Variants in DACH1 observed in about 807,000 individuals in gnomAD.
The protein encoded by DACH1 is dachshund homolog 1.
A neutral mutation model predicts 54.2 loss-of-function variants in DACH1; 12 were observed. That is an observed-to-expected ratio of 0.22 (90% CI 0.14 to 0.36). The LOEUF (loss-of-function observed/expected upper bound fraction) is 0.36, where lower values mean the gene tolerates loss of function less well. DACH1 is among the 10% of genes least tolerant of loss of function. DACH1 has a pLI of 1.00. For synonymous variants in DACH1, 386 were observed against 366.2 expected (o/e 1.05, Z -0.62); for missense variants, 805 against 929.8 (o/e 0.87, Z 1.75).
Position 71,647,231 on chromosome 13 carries a change from T to C in DACH1, c.965-16514A>G, listed in dbSNP as rs190680075. On this transcript the variant is annotated intron_variant, in intron 2 of 10. Transcript: ENST00000613252. ...TATCATTACCTTGTAAAGCATGAGC[T>C]GTGAAGCTGGAAGGGAACTAGACAG... Among the ~76,000 whole-genome samples, 10 of 152,308 alleles carry C rather than the reference T, an allele frequency of 6.6e-5. No individual in the cohort carries two copies. In the East Asian group the frequency reaches 1.7e-3, roughly 26 times the overall value.
chr13:71,644,457 G>A (rs1042183973), intron 2 of DACH1, among the ~76,000 whole-genome samples: 1 of 152,120 alleles, frequency 6.6e-6, no homozygotes, highest in African/African-American at 2.4e-5. Flanking sequence ...AGTTGTCACA[G>A]CCTCAATTCC....
intron 6 of DACH1, among the ~76,000 whole-genome samples, chr13:71,544,225 G>A (rs534326489): frequency 1.4e-4 from 21 of 152,146 alleles, no homozygotes; most frequent in Admixed American, 7.2e-4. Context: ...ATCTTCCTGC[G>A]TATTCCTTAT....
intron 1 of DACH1, among the ~76,000 whole-genome samples, chr13:71,708,942 T>C (rs1468668250): frequency 1.4e-5 from 2 of 142,010 alleles, no homozygotes; most frequent in African/African-American, 2.5e-5. Context: ...AAGCTCAGCC[T>C]CCCGGGTTCA....
intron 1 of DACH1, among the ~76,000 whole-genome samples, chr13:71,731,594 G>A (rs1172804076): frequency 1.3e-5 from 2 of 152,026 alleles, no homozygotes; most frequent in Non-Finnish European, 2.9e-5. Flanking sequence ...GTTTCTTGAT[G>A]TTCTTTAGAA....
intron 8 of DACH1, among the ~76,000 whole-genome samples, chr13:71,477,358 T>C (rs1016470705): frequency 2.0e-5 from 3 of 151,646 alleles, no homozygotes; most frequent in African/African-American, 7.3e-5. Context: ...CCTGACCTCA[T>C]GATCCACCCG....
chr13:71,775,008 G>T (rs888501219), intron 1 of DACH1, among the ~76,000 whole-genome samples: 1 of 151,798 alleles, frequency 6.6e-6, no homozygotes, highest in African/African-American at 2.4e-5. Flanking sequence ...CCCCTAGCAG[G>T]GCATAGTGGT....
intron 10 of DACH1, among the ~76,000 whole-genome samples, chr13:71,474,649 A>T (rs1203347337): frequency 6.6e-6 from 1 of 152,212 alleles, no homozygotes; most frequent in Non-Finnish European, 1.5e-5. Context: ...TGGCATACAG[A>T]ACATTTGGAA....
chr13:71,629,517 T>A (rs1436149351), intron 3 of DACH1, among the ~76,000 whole-genome samples: 1 of 152,204 alleles, frequency 6.6e-6, no homozygotes, highest in African/African-American at 2.4e-5. Context: ...TATTCATGTC[T>A]GTGTATGTTT....
intron 1 of DACH1, among the ~76,000 whole-genome samples, chr13:71,769,722 G>A (rs1263996565): frequency 6.6e-6 from 1 of 151,562 alleles, no homozygotes; most frequent in African/African-American, 2.4e-5. Flanking sequence ...CACAGCATTC[G>A]TTATTCTAAT....
chr13:71,760,451 A>G (rs1019880640), intron 1 of DACH1, among the ~76,000 whole-genome samples: 2 of 152,108 alleles, frequency 1.3e-5, no homozygotes, highest in Admixed American at 6.5e-5. Flanking sequence ...AACAAGGGGG[A>G]CCTATTACAC....
At chr13:71,595,944 T>C (rs1346169662) in intron 3 of DACH1, among the ~76,000 whole-genome samples, 2 of 152,094 alleles carry the variant, frequency 1.3e-5, no homozygotes, top group Non-Finnish European at 1.5e-5. Context: ...TACCAATAAC[T>C]GATATGAGAA....
intron 7 of DACH1, among the ~76,000 whole-genome samples, chr13:71,484,178 T>C (rs1021001798): frequency 7.5e-6 from 1 of 132,456 alleles, no homozygotes; most frequent in African/African-American, 2.7e-5. Context: ...GTATGTGTTT[T>C]TAAGATAGGG....
chr13:71,539,481 T>C (rs1214007358), intron 6 of DACH1, among the ~76,000 whole-genome samples: 1 of 151,982 alleles, frequency 6.6e-6, no homozygotes, highest in African/African-American at 2.4e-5. Flanking sequence ...ATAATACCAG[T>C]GGTTAACAGA....
At chr13:71,620,008 TG>T (rs1876102901) in intron 3 of DACH1, among the ~76,000 whole-genome samples, 1 of 151,968 alleles carries the variant, frequency 6.6e-6, no homozygotes, top group Non-Finnish European at 1.5e-5. Context: ...TTTTTAAAAC[TG>T]GTAACTGTAG....
intron 10 of DACH1, among the ~76,000 whole-genome samples, chr13:71,469,830 A>G (rs1876913500): frequency 6.6e-6 from 1 of 152,252 alleles, no homozygotes; most frequent in Non-Finnish European, 1.5e-5. Context: ...TGTGAAGGCA[A>G]GTCTTTTATG....
chr13:71,632,104 GAGAAA>G (rs1245181325), intron 2 of DACH1, among the ~76,000 whole-genome samples: 1 of 147,676 alleles, frequency 6.8e-6, no homozygotes, highest in African/African-American at 2.5e-5. Flanking sequence ...AAGAAAGGAA[GAGAAA>G]AGAAAAGGAA....
intron 1 of DACH1, among the ~76,000 whole-genome samples, chr13:71,841,203 T>C (rs1872815418): frequency 6.6e-6 from 1 of 152,148 alleles, no homozygotes; most frequent in Non-Finnish European, 1.5e-5. Flanking sequence ...AATATTTTCT[T>C]CCCAGGGTTT....
At chr13:71,596,764 T>C (rs1277660919) in intron 3 of DACH1, among the ~76,000 whole-genome samples, 1 of 152,112 alleles carries the variant, frequency 6.6e-6, no homozygotes, top group African/African-American at 2.4e-5. Flanking sequence ...ACACTGGAAA[T>C]GTAGGTTAAT....
chr13:71,496,762 C>T (rs974766697), intron 6 of DACH1, among the ~76,000 whole-genome samples: 2 of 152,092 alleles, frequency 1.3e-5, no homozygotes, highest in Non-Finnish European at 2.9e-5. Context: ...TTTCTACCTC[C>T]ATCTTCTCAG....
Sources: gnomAD v4.1 joint callset for allele counts (sites outside exome capture counted in the v4.1 genomes callset) on GRCh38, gnomAD v4.1.1 for gene constraint, MANE v1.5 for transcripts, NCBI Gene and HGNC (gene_info 2026-07-23, HGNC 2026-07-21) for gene names.